ADAM10: variants seen among roughly 807,000 people sequenced by gnomAD.
ADAM10 encodes disintegrin and metalloproteinase domain-containing protein 10.
A neutral mutation model predicts 90.1 loss-of-function variants in ADAM10; 17 were observed. That is an observed-to-expected ratio of 0.19 (90% confidence interval 0.13 to 0.28). ADAM10 has a LOEUF of 0.28. ADAM10 is among the 10% of genes least tolerant of loss of function. ADAM10 has a pLI of 1.00. For synonymous variants in ADAM10, 310 were observed against 298.6 expected, an observed-to-expected ratio of 1.04 and a Z score of -0.40; for missense variants, 610 against 914.3, an observed-to-expected ratio of 0.67 and a Z score of 4.29.
chr15:58,630,390 G>C (rs1460287532), intron 9 of ADAM10, among the ~76,000 whole-genome samples: 1 of 152,136 alleles, frequency 6.6e-6, no homozygotes, highest in Non-Finnish European at 1.5e-5. Context: ...GATGAGGAGA[G>C]ATAACACTAG....
chr15:58,705,237 T>G (rs1192471623), intron 2 of ADAM10, among the ~76,000 whole-genome samples: 2 of 152,206 alleles, frequency 1.3e-5, no homozygotes, highest in African/African-American at 4.8e-5. Flanking sequence ...TAGATTTCCT[T>G]GAGGAGGTAA....
chr15:58,673,552 T>C (rs1276936202), intron 4 of ADAM10, among the ~76,000 whole-genome samples: 2 of 150,902 alleles, frequency 1.3e-5, no homozygotes, highest in Non-Finnish European at 1.5e-5. Flanking sequence ...TGAATATACA[T>C]GTATACATAT....
chr15:58,729,398 C>T (rs59962817), intron 1 of ADAM10, among the ~76,000 whole-genome samples: 5 of 152,090 alleles, frequency 3.3e-5, no homozygotes, highest in African/African-American at 9.7e-5. Flanking sequence ...TGTTTTTCAG[C>T]GACTAACAGC....
intron 10 of ADAM10, among the ~76,000 whole-genome samples, chr15:58,625,211 C>T (rs915233456): frequency 2.6e-5 from 4 of 151,892 alleles, no homozygotes; most frequent in Admixed American, 6.6e-5. Flanking sequence ...GTGAAAAGGG[C>T]GAAAAGACAA....
chr15:58,730,449 A>C (rs980391142), intron 1 of ADAM10, among the ~76,000 whole-genome samples: 1 of 152,228 alleles, frequency 6.6e-6, no homozygotes, highest in South Asian at 2.1e-4. Flanking sequence ...ATGTTACAGA[A>C]CAGGTATTAA....
At chr15:58,654,620 C>T (rs1467272547) in intron 5 of ADAM10, among the ~76,000 whole-genome samples, 2 of 152,194 alleles carry the variant, frequency 1.3e-5, no homozygotes, top group East Asian at 3.8e-4. Context: ...CTCAAATGAT[C>T]ATTCCACATC....
At chr15:58,632,296 G>C (rs1303239587) in intron 9 of ADAM10, among the ~76,000 whole-genome samples, 1 of 152,152 alleles carries the variant, frequency 6.6e-6, no homozygotes, top group East Asian at 1.9e-4. Context: ...AGTTGTATTA[G>C]AAAATGTCTA....
chr15:58,711,511 C>T (rs1452561504), intron 2 of ADAM10, among the ~76,000 whole-genome samples: 5 of 152,122 alleles, frequency 3.3e-5, no homozygotes, highest in Non-Finnish European at 4.4e-5. Flanking sequence ...CACACTACTC[C>T]TTTCTCCATC....
intron 2 of ADAM10, among the ~76,000 whole-genome samples, chr15:58,700,358 A>G (rs1251287074): frequency 6.6e-6 from 1 of 152,246 alleles, no homozygotes; most frequent in Non-Finnish European, 1.5e-5. Context: ...CGTTTCAACA[A>G]ATTTTTTTAA....
Position 58,589,884 on chromosome 15 carries a change from T to C in ADAM10, c.*7663A>G, listed in dbSNP as rs1894789714. ...CTCCCAGATTGTTGGGCCAATATCC[T>C]AAGGAGAATAACCAAGTATGACACC... On this transcript the variant is annotated 3_prime_UTR_variant, in exon 16 of 16. Coordinates refer to ENST00000260408, the MANE Select transcript of ADAM10 (RefSeq NM_001110.4). The C allele has an allele frequency of 1.3e-5, 2 of 152,012 alleles. No individual in the cohort carries two copies. The highest frequency in any genetic ancestry group is 4.1e-4 in the South Asian group (2 of 4,828). 9.4% of individuals were successfully genotyped at this position (152,012 alleles called of 1,614,324 possible). A position where few individuals can be genotyped will look rare whatever the true frequency, so the allele number is the denominator to read the frequency against.
rs1437950113 is a variant in ADAM10, at chr15:58,657,888, G to T, written c.585+7209C>A. ...TGTCCATTTTTTAATTGGGGTTTGT[G>T]TTTTTTTTTTTTTCTTAACTGAGTT... On this transcript the variant is annotated intron_variant, in intron 5 of 15. Transcript: ENST00000260408. 9.2e-5 allele frequency among the ~76,000 whole-genome samples: 13 copies of T among 141,468 alleles called. No individual in the cohort carries two copies. The East Asian group carries it at 2.0e-3, about 22-fold the overall frequency. 92.8% of individuals were successfully genotyped at this position (141,468 alleles called of 152,430 possible). A position where few individuals can be genotyped will look rare whatever the true frequency, so the allele number is the denominator to read the frequency against.
At chr15:58,736,722 T>C (rs1216724713) in intron 1 of ADAM10, among the ~76,000 whole-genome samples, 1 of 152,006 alleles carries the variant, frequency 6.6e-6, no homozygotes, top group African/African-American at 2.4e-5. Context: ...TTAGAAAGTA[T>C]AAAAATTTTC....
At chr15:58,676,238 C>T (rs548762177) in intron 4 of ADAM10, 1 of 453,532 alleles carries the variant, frequency 2.2e-6, no homozygotes, top group East Asian at 7.0e-5. Flanking sequence ...GGGTAAAGAA[C>T]AGGAGGTCCA....
At chr15:58,731,617 G>C (rs1226112367) in intron 1 of ADAM10, among the ~76,000 whole-genome samples, 1 of 152,058 alleles carries the variant, frequency 6.6e-6, no homozygotes, top group African/African-American at 2.4e-5. Context: ...GAGAGAGTGA[G>C]ACCCTGTCTC....
In ADAM10 at chr15:58,595,619, A is replaced by T. The variant is rs1894929194; in HGVS notation, c.*1928T>A. 1 of 152,164 alleles carries T rather than the reference A, an allele frequency of 6.6e-6. No homozygotes were observed. Among genetic ancestry groups the T allele is most frequent in the Non-Finnish European group, 1.5e-5 (1 of 67,980 alleles). The allele number at this position is 152,164 out of a possible 1,614,324, so 9.4% of individuals were successfully genotyped here. A position where few individuals can be genotyped will look rare whatever the true frequency, so the allele number is the denominator to read the frequency against. ...ATTCGCAGTGGAAAGAGTTCAGTGC[A>T]TGTATCTCTTTTCAGAAAACATTTA... is the stretch of plus-strand genomic sequence containing the variant. On this transcript the variant is annotated 3_prime_UTR_variant, in exon 16 of 16. Transcript: ENST00000260408.
intron 2 of ADAM10, among the ~76,000 whole-genome samples, chr15:58,697,268 C>A (rs1389304864): frequency 6.6e-6 from 1 of 152,184 alleles, no homozygotes; most frequent in Non-Finnish European, 1.5e-5. Flanking sequence ...ACAGCTGCCA[C>A]CTGGGGCCCA....
intron 2 of ADAM10, among the ~76,000 whole-genome samples, chr15:58,696,031 G>A (rs1033656822): frequency 5.9e-5 from 9 of 152,064 alleles, no homozygotes; most frequent in Non-Finnish European, 2.9e-5. Context: ...CAGGAGAATC[G>A]CTTGAACCCA....
chr15:58,617,203 A>G (rs1467517831), intron 11 of ADAM10, among the ~76,000 whole-genome samples: 5 of 152,128 alleles, frequency 3.3e-5, no homozygotes, highest in African/African-American at 1.2e-4. Flanking sequence ...CATTAACTAG[A>G]CAAGGAAAAA....
intron 14 of ADAM10, among the ~76,000 whole-genome samples, chr15:58,599,937 A>C (rs1431291151): frequency 6.6e-6 from 1 of 152,176 alleles, no homozygotes; most frequent in African/African-American, 2.4e-5. Flanking sequence ...AATCACCCAT[A>C]ATTTCATCTC....
Sources: allele counts gnomAD v4.1 joint callset (sites outside exome capture counted in the v4.1 genomes callset), GRCh38; gene constraint gnomAD v4.1.1; transcripts MANE v1.5; gene names NCBI Gene and HGNC (gene_info 2026-07-23, HGNC 2026-07-21).